Variants in ABCB4 observed in about 807,000 individuals in gnomAD.
ABCB4 encodes phosphatidylcholine translocator ABCB4.
ABCB4 carries 76 observed loss-of-function variants against 145.7 expected under a neutral mutation model. That is an observed-to-expected ratio of 0.52 (90% CI 0.43 to 0.63). The LOEUF is 0.63. Ranked by LOEUF, ABCB4 falls within the 30% of genes least tolerant of loss-of-function variation. The pLI is 0.00. For synonymous variants in ABCB4, 517 were observed against 566.8 expected (o/e 0.91, Z 1.25); for missense variants, 1,234 against 1,553.1 (o/e 0.79, Z 3.45).
Position 87,412,000 on chromosome 7 carries a change from A to C in ABCB4, c.2817T>G (p.Ile939Met), listed in dbSNP as rs748739226. Residue 939 changes from isoleucine to methionine, a missense_variant, in exon 23 of 28, where the codon ATT (isoleucine) becomes ATG (methionine). Physicochemically the swap from Ile to Met is conservative, Grantham distance 10. This residue lies in a region of ABCB4 where 301 missense variants were observed against 389.0 expected (regional missense o/e 0.77). Transcript: ENST00000649586. ...NSVQKAHIYG[I>M]TFSISQAFMY... ...TAAATGCTTGTGAGATACTAAAAGT[A>C]ATTCCATAGATGTGTGCCTTCTGCA... is the stretch of plus-strand genomic sequence containing the variant. 5 of 1,613,942 alleles carry C rather than the reference A, an allele frequency of 3.1e-6. No homozygotes were observed. In the Admixed American group the frequency reaches 8.3e-5, roughly 27 times the overall value.
chr7:87,409,424 CT>C, intron 23 of ABCB4, 32 bp from the exon 24 acceptor site: 1 of 1,610,234 alleles, frequency 6.2e-7, no homozygotes, highest in Non-Finnish European at 8.5e-7. Flanking sequence ...CAAAAATTAG[CT>C]TTTATAATTA....
rs184036543 is a variant in ABCB4, at chr7:87,440,983, C to T, written c.1357-581G>A. Among the ~76,000 whole-genome samples, 383 of 152,314 alleles carry T rather than the reference C, an allele frequency of 2.5e-3. 1 individual carries two copies. Among genetic ancestry groups the T allele is most frequent in the Admixed American group, 3.3e-3 (50 of 15,300 alleles). ...TCTTGATCTCCTGACCTCGTGACCGCCCGCCTTGGCCTCCCAAAGTGCTGG... is the reference window on the plus strand; with the variant it reads ...TCTTGATCTCCTGACCTCGTGACCGTCCGCCTTGGCCTCCCAAAGTGCTGG... On this transcript the variant is annotated intron_variant, in intron 12 of 27. Transcript: ENST00000649586.
chr7:87,444,923 C>T lies in ABCB4; in HGVS notation c.1058G>A (p.Cys353Tyr). 1 of 1,608,012 alleles carries T rather than the reference C, an allele frequency of 6.2e-7. No individual in the cohort carries two copies. Residue 353 changes from cysteine to tyrosine, a missense_variant, in exon 10 of 28, where the codon TGT becomes TAT. Coordinates refer to ENST00000649586, the MANE Select transcript of ABCB4 (RefSeq NM_000443.4). ...GAFSVGQAAP[C>Y]IDAFANARGA... ...TCTTGCATTGGCAAAAGCATCAATA[C>T]ATGGGGCAGCCTGGCCAACACTGAA...
At chr7:87,460,158 T>C (rs748392537) in intron 4 of ABCB4, among the ~76,000 whole-genome samples, 3 of 152,068 alleles carry the variant, frequency 2.0e-5, no homozygotes, top group Admixed American at 6.5e-5. Flanking sequence ...GACCCTTGAG[T>C]ATTAATGTGC....
chr7:87,367,191 C>G, the ABCB4 span, among the ~76,000 whole-genome samples: 1 of 152,098 alleles, frequency 6.6e-6, no homozygotes, highest in African/African-American at 2.4e-5. Context: ...CACATGTGCC[C>G]AAAGTATATA....
downstream of ABCB4, chr7:87,398,848 C>T: frequency 1.8e-6 from 1 of 558,156 alleles, no homozygotes; most frequent in Non-Finnish European, 3.1e-6. Flanking sequence ...TTAAGCTCCT[C>T]TGATGCAGCA....
intron 21 of ABCB4, among the ~76,000 whole-genome samples, chr7:87,414,782 A>C (rs949985278): frequency 1.3e-5 from 2 of 152,210 alleles, no homozygotes; most frequent in African/African-American, 4.8e-5. Flanking sequence ...AAGATATAAC[A>C]GATAGCAATT....
Position 87,447,140 on chromosome 7 carries a change from G to T in ABCB4, c.899C>A (p.Ser300Tyr), listed in dbSNP as rs1437317341. Residue 300 changes from serine to tyrosine, a missense_variant, in exon 9 of 28, where the codon TCC becomes TAC. Around this residue, in one of 7 missense-constraint regions of ABCB4, gnomAD observed 467 missense variants for 632.8 expected, o/e 0.74. Coordinates refer to ENST00000649586, the MANE Select transcript of ABCB4 (RefSeq NM_000443.4). ...TATTAACAGGAAGGCAATACCCATG[G>T]AAATGTTTGCTGAAATAGCTTTTTT... is the stretch of plus-strand genomic sequence containing the variant. ...GIKKAISANI[S>Y]MGIAFLLIYA... is the part of the protein sequence containing the mutation. 4 of 1,613,904 alleles carry T rather than the reference G, an allele frequency of 2.5e-6. No individual in the cohort carries two copies. In the Admixed American group the frequency reaches 6.7e-5, roughly 27 times the overall value.
In ABCB4 at chr7:87,403,995, G is replaced by C. The variant is rs1451561091; in HGVS notation, c.3487-714C>G. On this transcript the variant is annotated intron_variant, in intron 26 of 27. Transcript: ENST00000649586. ...ATGAATAGAGATGTAAATTGAGTCA[G>C]TTCAGTTTGCAGGGCTTATGCAGTG... Among the ~76,000 whole-genome samples, 6 of 152,302 alleles carry C rather than the reference G, an allele frequency of 3.9e-5. No homozygotes were observed. In the South Asian group the frequency reaches 1.2e-3, roughly 32 times the overall value.
At chr7:87,432,306 C>T (rs904311904) in intron 14 of ABCB4, among the ~76,000 whole-genome samples, 12 of 152,174 alleles carry the variant, frequency 7.9e-5, no homozygotes, top group African/African-American at 2.9e-4. Context: ...CTCTTTCTGA[C>T]ACTCATTAGC....
At position 87,417,189 on chromosome 7, in the gene ABCB4, A is replaced by G. The variant is rs555767153; in HGVS notation, c.2682+123T>C. 4.6e-6 allele frequency: 4 copies of G among 877,486 alleles called. No individual in the cohort carries two copies. The African/African-American group carries it at 6.8e-5, about 15-fold the overall frequency. 54.4% of individuals were successfully genotyped at this position (877,486 alleles called of 1,614,324 possible). ...TAAAATATTTCATACACAATTGACA[A>G]TTATTAGTTGTAGTGGGCACAAACA... On this transcript the variant is annotated intron_variant, in intron 21 of 27. Transcript: ENST00000649586.
Position 87,406,298 on chromosome 7 carries a change from G to A in ABCB4, c.3476C>T (p.Thr1159Met), listed in dbSNP as rs145056464. 9.5e-5 allele frequency: 154 copies of A among 1,613,898 alleles called. No homozygotes were observed. The highest frequency in any genetic ancestry group is 3.7e-4 in the South Asian group (34 of 91,068). ...KAANIHPFIE[T>M]LPHKYETRVG... ...TACTCTTTAACTTACGTGGGGTAAC[G>A]TCTCGATGAAAGGATGTATGTTGGC... Residue 1159 changes from threonine (T) to methionine (M), a missense_variant, in exon 26 of 28, where the codon ACG (threonine) becomes ATG (methionine). By Grantham distance (81) the Thr-to-Met change is moderately conservative (BLOSUM62 -1). Transcript: ENST00000649586.
intron 27 of ABCB4, among the ~76,000 whole-genome samples, chr7:87,402,648 A>G (rs1807875860): frequency 6.6e-6 from 1 of 152,148 alleles, no homozygotes; most frequent in Non-Finnish European, 1.5e-5. Context: ...TGAATGCTTT[A>G]CTTTATAAAA....
chr7:87,436,228 A>G (rs1810599198), intron 14 of ABCB4, among the ~76,000 whole-genome samples: 1 of 152,210 alleles, frequency 6.6e-6, no homozygotes, highest in Admixed American at 6.5e-5. Flanking sequence ...GTCATCCAAT[A>G]AAATTAGGGC....
Position 87,449,978 on chromosome 7 carries a change from C to T in ABCB4, c.823G>A (p.Glu275Lys). 6.2e-7 allele frequency: 1 copy of T among 1,614,162 alleles called. No homozygotes were observed. The highest frequency in any genetic ancestry group is 8.5e-7 in the Non-Finnish European group (1 of 1,180,004). Residue 275 changes from glutamate to lysine, a missense_variant, in exon 8 of 28, where the codon GAG becomes AAG. By Grantham distance (56) the Glu-to-Lys change is moderately conservative (BLOSUM62 1). Transcript: ENST00000649586. ...AAGAACCTTCCTGACCTTTCCAGCT[C>T]TTTGTTCTGGCCCCCGAAAGCTATC... is the stretch of plus-strand genomic sequence containing the variant. ...TVIAFGGQNK[E>K]LERYQKHLEN...
intron 4 of ABCB4, among the ~76,000 whole-genome samples, chr7:87,456,077 A>G (rs755627797): frequency 2.6e-5 from 4 of 152,150 alleles, no homozygotes; most frequent in Admixed American, 6.5e-5. Flanking sequence ...CTGTGTGTTC[A>G]TTTCCATCCT....
intron 3 of ABCB4, among the ~76,000 whole-genome samples, chr7:87,465,429 C>G (rs58209691): frequency 6.6e-6 from 1 of 152,194 alleles, no homozygotes. Flanking sequence ...GAGCCCACCA[C>G]AGCTCAAAGA....
At chr7:87,420,613 T>C (rs1009229809) in intron 18 of ABCB4, among the ~76,000 whole-genome samples, 3 of 152,226 alleles carry the variant, frequency 2.0e-5, no homozygotes, top group African/African-American at 7.2e-5. Context: ...CAGTTGCTAG[T>C]ATTCTGACAC....
chr7:87,436,249 G>C (rs981751115), intron 14 of ABCB4, among the ~76,000 whole-genome samples: 1 of 151,860 alleles, frequency 6.6e-6, no homozygotes, highest in Non-Finnish European at 1.5e-5. Flanking sequence ...AAAAATCAGA[G>C]TGTGTAGGTG....
Sources: gnomAD v4.1 joint callset for allele counts (sites outside exome capture counted in the v4.1 genomes callset) on GRCh38, gnomAD v4.1.1 for gene constraint, gnomAD v4.1.1 regional missense constraint, MANE v1.5 for transcripts, NCBI Gene and HGNC (gene_info 2026-07-23, HGNC 2026-07-21) for gene names.